MAEA: variants seen among roughly 807,000 people sequenced by gnomAD.
MAEA encodes macrophage erythroblast attacher, E3 ubiquitin ligase, also known as E3 ubiquitin-protein transferase MAEA.
A neutral mutation model predicts 46.2 loss-of-function variants in MAEA; 22 were observed. The observed-to-expected ratio is 0.48, with a 90% CI of 0.34 to 0.68. The LOEUF (loss-of-function observed/expected upper bound fraction) is 0.68, where lower values mean the gene tolerates loss of function less well. Ranked by LOEUF, MAEA falls within the 30% of genes least tolerant of loss-of-function variation. The pLI, the probability that MAEA is intolerant of heterozygous loss-of-function variation, is 0.01. For synonymous variants in MAEA, 246 were observed against 222.6 expected, an observed-to-expected ratio of 1.11 and a Z score of -0.94; for missense variants, 393 against 558.1, an observed-to-expected ratio of 0.70 and a Z score of 2.98.
intron 4 of MAEA, among the ~76,000 whole-genome samples, chr4:1,325,948 C>T (rs1018658942): frequency 5.3e-5 from 8 of 152,160 alleles, no homozygotes; most frequent in African/African-American, 1.4e-4. Context: ...CCTGTTGACC[C>T]GTCTGTCTAG....
intron 3 of MAEA, among the ~76,000 whole-genome samples, chr4:1,321,446 C>T (rs1417023223): frequency 6.6e-6 from 1 of 152,096 alleles, no homozygotes; most frequent in African/African-American, 2.4e-5. Context: ...CAAGAAAATG[C>T]TATGAAGGGG....
At chr4:1,338,990 TG>T in intron 8 of MAEA, 83 bp from the exon 9 acceptor site, 1 of 1,115,548 alleles carries the variant, frequency 9.0e-7, no homozygotes, top group Non-Finnish European at 1.4e-6. Context: ...CATTCCCTGG[TG>T]GTTCATTGTG....
At chr4:1,318,065 C>A (rs1448658564) in intron 3 of MAEA, among the ~76,000 whole-genome samples, 2 of 152,216 alleles carry the variant, frequency 1.3e-5, no homozygotes, top group Non-Finnish European at 2.9e-5. Flanking sequence ...GTGCCCTGTC[C>A]CACATGCCTT....
intron 5 of MAEA, chr4:1,330,323 T>TCTCTCTCTCTCTCTCC: frequency 7.7e-6 from 1 of 129,126 alleles, no homozygotes; most frequent in South Asian, 2.1e-4. Flanking sequence ...TCTCTCTCTC[T>TCTCTCTCTCTCTCTCC]CTTTCCGTGT....
intron 3 of MAEA, among the ~76,000 whole-genome samples, chr4:1,318,225 A>G (rs190809885): frequency 6.6e-6 from 1 of 152,322 alleles, no homozygotes; most frequent in Non-Finnish European, 1.5e-5. Flanking sequence ...CGCCCAGCAC[A>G]CTGTCCTTGG....
intron 1 of MAEA, among the ~76,000 whole-genome samples, chr4:1,302,351 G>A (rs190381397): frequency 2.0e-5 from 3 of 152,350 alleles, no homozygotes; most frequent in Admixed American, 2.0e-4. Flanking sequence ...TTTTGTTACA[G>A]CAGCCTGAGC....
At chr4:1,309,740 C>T (rs1736243020) in intron 1 of MAEA, 2 of 1,506,760 alleles carry the variant, frequency 1.3e-6, no homozygotes, top group East Asian at 2.5e-5. Context: ...CTCCTTCATG[C>T]CTGCGTTCTG....
Position 1,298,381 on chromosome 4 carries a change from C to T in MAEA, c.69+8399C>T, listed in dbSNP as rs551893874. Among the ~76,000 whole-genome samples the T allele has an allele frequency of 1.2e-4, 18 of 151,858 alleles. No homozygotes were observed. In the South Asian group the frequency reaches 3.8e-3, roughly 32 times the overall value. The stretch of plus-strand genomic sequence containing the variant: ...GCACACGCGCCGTCTTCTGGTTATC[C>T]ACGAAGAGGCACACGCGCCGTCTTC... On this transcript the variant is annotated intron_variant, in intron 1 of 8. Transcript: ENST00000303400.
intron 1 of MAEA, among the ~76,000 whole-genome samples, chr4:1,298,434 C>T (rs777323327): frequency 1.3e-5 from 2 of 152,142 alleles, no homozygotes; most frequent in African/African-American, 4.8e-5. Flanking sequence ...GCACACGCGC[C>T]GTCTTCTGGT....
intron 1 of MAEA, among the ~76,000 whole-genome samples, chr4:1,308,901 T>TA (rs1359738575): frequency 6.6e-6 from 1 of 152,252 alleles, no homozygotes; most frequent in East Asian, 1.9e-4. Context: ...AAGTTTGATG[T>TA]AGTCCCATTT....
chr4:1,308,374 A>G (rs1461366340), intron 1 of MAEA, among the ~76,000 whole-genome samples: 4 of 152,150 alleles, frequency 2.6e-5, no homozygotes, highest in Non-Finnish European at 4.4e-5. Flanking sequence ...GGTGATGGAC[A>G]TGTGGGTGGC....
At chr4:1,332,408 T>A (rs1412814570) in intron 5 of MAEA, 1 of 203,798 alleles carries the variant, frequency 4.9e-6, no homozygotes, top group Non-Finnish European at 1.0e-5. Context: ...AGCTGTTAGC[T>A]CAGATTTTTC....
intron 1 of MAEA, chr4:1,310,065 A>T (rs1736297126): frequency 9.4e-7 from 1 of 1,069,174 alleles, no homozygotes; most frequent in Non-Finnish European, 1.1e-6. Context: ...TAATGGTCTA[A>T]TGGCGAAGAC....
Position 1,311,140 on chromosome 4 carries a change from T to G in MAEA, c.70-839T>G, listed in dbSNP as rs1736446008. Among the ~76,000 whole-genome samples, 1 of 152,178 alleles carries G rather than the reference T, an allele frequency of 6.6e-6. No individual in the cohort carries two copies. Among genetic ancestry groups the G allele is most frequent in the African/African-American group, 2.4e-5 (1 of 41,448 alleles). ...TCTGGCACAGCTGCGACGGCAGAGT[T>G]GGGCCCACTGCTCTTGGGCGGCAGC... is the stretch of plus-strand genomic sequence containing the variant. On this transcript the variant is annotated intron_variant, in intron 1 of 8. Transcript: ENST00000303400. This position sits in a 1 kb window ranked among gnomAD's most constrained non-coding sequence, Gnocchi z 4.4.
intron 4 of MAEA, among the ~76,000 whole-genome samples, chr4:1,327,242 C>T (rs565337525): frequency 2.0e-5 from 3 of 152,230 alleles, no homozygotes; most frequent in South Asian, 2.1e-4. Flanking sequence ...GGCCTCAGGG[C>T]GGGACCCAGG....
chr4:1,325,125 G>C (rs1428875635), intron 4 of MAEA, among the ~76,000 whole-genome samples: 1 of 152,190 alleles, frequency 6.6e-6, no homozygotes, highest in African/African-American at 2.4e-5. Flanking sequence ...GCCAGGGGGT[G>C]TGTGGGGAGG....
At chr4:1,305,837 G>T (rs1735778077) in intron 1 of MAEA, among the ~76,000 whole-genome samples, 1 of 152,226 alleles carries the variant, frequency 6.6e-6, no homozygotes, top group Non-Finnish European at 1.5e-5. Context: ...CCGAGCCGGA[G>T]ACCCAGGAGA....
rs202030047 is a variant in MAEA at position 1,332,802 on chromosome 4, C to T, written c.702C>T (p.Asp234=). The change falls in exon 6 of 9, where the codon GAC becomes GAT. Residue 234 remains aspartate, a synonymous_variant. Coordinates refer to ENST00000303400, the MANE Select transcript of MAEA (RefSeq NM_001017405.3). ...HFSQAEGSQL[D]EVRQAMGMLA... ...GCCAAGCAGAAGGGAGCCAGCTGGA[C>T]GAGGTGCGCCAGGCCATGGGCATGC... 4.9e-5 allele frequency: 79 copies of T among 1,613,238 alleles called. No homozygotes were observed. The East Asian group carries it at 9.8e-4, about 20-fold the overall frequency.
At chr4:1,294,784 A>G (rs1434065919) in intron 1 of MAEA, among the ~76,000 whole-genome samples, 3 of 56,332 alleles carry the variant, frequency 5.3e-5, no homozygotes, top group African/African-American at 7.2e-5. Context: ...GATGTTGGAC[A>G]GTGGCAGGGG....
Sources: allele counts gnomAD v4.1 joint callset (sites outside exome capture counted in the v4.1 genomes callset), GRCh38; gene constraint gnomAD v4.1.1; non-coding constraint Gnocchi (gnomAD v3.1); transcripts MANE v1.5; gene names NCBI Gene and HGNC (gene_info 2026-07-23, HGNC 2026-07-21).